Variants in PABIR2 observed in about 807,000 individuals in gnomAD.
PABIR2 encodes PABIR family member 2.
PABIR2 carries 7 observed loss-of-function variants against 22.8 expected under a neutral mutation model. The ratio of observed to expected loss-of-function variants is 0.31; its 90% CI spans 0.17 to 0.58. PABIR2 has a LOEUF of 0.58. Ranked by LOEUF, PABIR2 falls within the 20% of genes least tolerant of loss-of-function variation. The pLI is 0.89. For synonymous variants in PABIR2, 67 were observed against 73.8 expected (o/e 0.91, Z 0.47); for missense variants, 155 against 205.1 (o/e 0.76, Z 1.49).
chrX:134,787,177 G>A (rs2079352157), intron 7 of PABIR2, among the ~76,000 whole-genome samples: 1 of 103,384 alleles, frequency 9.7e-6, no homozygotes, highest in Non-Finnish European at 2.0e-5. Flanking sequence ...TCAGCTCACT[G>A]CAACCTCCGC....
At chrX:134,786,267 A>G (rs2079311081) in intron 7 of PABIR2, among the ~76,000 whole-genome samples, 1 of 112,176 alleles carries the variant, frequency 8.9e-6, no homozygotes, top group South Asian at 3.7e-4. Context: ...CTGTGATCCC[A>G]GCATTTTGAG....
intron 1 of PABIR2, among the ~76,000 whole-genome samples, chrX:134,795,897 A>G (rs1377073409): frequency 3.6e-5 from 4 of 111,475 alleles, no homozygotes; most frequent in African/African-American, 1.3e-4. Flanking sequence ...CCCCAGGTAG[A>G]GGGGGACCGT....
At chrX:134,780,342 G>A (rs1465307974) in intron 9 of PABIR2, among the ~76,000 whole-genome samples, 6 of 112,171 alleles carry the variant, frequency 5.3e-5, no homozygotes, top group Non-Finnish European at 9.4e-5. Flanking sequence ...TTGGGAGGCC[G>A]AGGTGGGCGG....
At chrX:134,778,226 C>T (rs1160614302) in intron 9 of PABIR2, among the ~76,000 whole-genome samples, 4 of 100,472 alleles carry the variant, frequency 4.0e-5, no homozygotes, top group Non-Finnish European at 6.0e-5. Context: ...AAAATCGGGC[C>T]GGGCGTGGTG....
chrX:134,787,469 T>C lies in PABIR2; in HGVS notation c.497+3A>G, dbSNP rs768437192. ...ACCACATTTAAAATTCAAGTTTGCTTACCTTGAAAATCGTCTTGGACTGGG... is the reference window on the plus strand; with the variant it reads ...ACCACATTTAAAATTCAAGTTTGCTCACCTTGAAAATCGTCTTGGACTGGG... On this transcript the variant is annotated splice_donor_region_variant and intron_variant, in intron 7 of 9. Transcript: ENST00000343004. 1 of 1,208,076 alleles carries C rather than the reference T, an allele frequency of 8.3e-7. No individual in the cohort carries two copies. The highest frequency in any genetic ancestry group is 1.1e-6 in the Non-Finnish European group (1 of 892,675).
At chrX:134,782,334 A>G (rs1254546202) in intron 8 of PABIR2, among the ~76,000 whole-genome samples, 2 of 112,317 alleles carry the variant, frequency 1.8e-5, no homozygotes, top group African/African-American at 3.2e-5. Context: ...GATGGTGTCA[A>G]ACTGGTTTAA....
At chrX:134,791,708 T>C (rs1011702667) in intron 2 of PABIR2, 3 of 325,712 alleles carry the variant, frequency 9.2e-6, no homozygotes, top group African/African-American at 8.0e-5. Context: ...ACAAGATAGG[T>C]GTCTGTCTTC....
At position 134,771,737 on chromosome X, in the gene PABIR2, A is replaced by G; in HGVS notation, c.*402T>C. 1.3e-6 allele frequency: 1 copy of G among 799,011 alleles called. No homozygotes were observed. The allele number at this position is 799,011 out of a possible 1,213,427, so 65.8% of individuals were successfully genotyped here. A position where few individuals can be genotyped will look rare whatever the true frequency, so the allele number is the denominator to read the frequency against. On this transcript the variant is annotated 3_prime_UTR_variant, in exon 10 of 10. Transcript: ENST00000343004. ...TGTAGTCAACAGAGGACAAAAAAAA[A>G]TCTCTCAAGCAAGAGAATTTCTGAT...
intron 9 of PABIR2, among the ~76,000 whole-genome samples, chrX:134,775,748 C>T (rs147412577): frequency 0.017 from 1,851 of 110,187 alleles, 45 homozygotes; most frequent in African/African-American, 0.058. Context: ...CAGGTAAATG[C>T]ACTAGAAATT....
At chrX:134,787,590 C>T (rs2079369769) in intron 6 of PABIR2, 57 bp from the exon 7 acceptor site, 9 of 647,433 alleles carry the variant, frequency 1.4e-5, no homozygotes, top group Non-Finnish European at 1.9e-5. Context: ...TAAAATAGTT[C>T]TAGCACTCCA....
Position 134,771,271 on chromosome X carries a change from T to C in PABIR2, c.*868A>G. ...CATGGACGCTTTTGTACACAGTGGT[T>C]TGTGTGTAAATAACTATTCATTCAT... On this transcript the variant is annotated 3_prime_UTR_variant, in exon 10 of 10. Transcript: ENST00000343004. The C allele has an allele frequency of 8.7e-7, 1 of 1,149,536 alleles. No homozygotes were observed. Among genetic ancestry groups the C allele is most frequent in the East Asian group, 3.3e-5 (1 of 30,541 alleles). 94.7% of individuals were successfully genotyped at this position (1,149,536 alleles called of 1,213,427 possible). A position where few individuals can be genotyped will look rare whatever the true frequency, so the allele number is the denominator to read the frequency against.
intron 9 of PABIR2, among the ~76,000 whole-genome samples, chrX:134,781,368 TA>T (rs1373014806): frequency 1.8e-5 from 2 of 112,380 alleles, no homozygotes; most frequent in African/African-American, 6.5e-5. Flanking sequence ...AGCATAATTT[TA>T]TTGAGCTAAA....
chrX:134,788,146 T>G lies in PABIR2; in HGVS notation c.435+584A>C, dbSNP rs181569635. On this transcript the variant is annotated intron_variant, in intron 6 of 9. Transcript: ENST00000343004. Reference sequence around the variant, plus strand: ...ATACACGTTATATATGTGTAATATATACGTTATATATGTGTAATATATACA... The same window carrying G: ...ATACACGTTATATATGTGTAATATAGACGTTATATATGTGTAATATATACA... Among the ~76,000 whole-genome samples, 3 of 90,183 alleles carry G rather than the reference T, an allele frequency of 3.3e-5. No homozygotes were observed. The Admixed American group carries it at 3.7e-4, about 11-fold the overall frequency. The allele number at this position is 90,183 out of a possible 115,157, so 78.3% of individuals were successfully genotyped here.
intron 9 of PABIR2, among the ~76,000 whole-genome samples, chrX:134,775,874 CTATCT>C (rs776451071): frequency 2.1e-4 from 24 of 112,213 alleles, no homozygotes; most frequent in African/African-American, 5.2e-4. Flanking sequence ...CTGGTCTCTA[CTATCT>C]TATCTTAAGG....
intron 9 of PABIR2, among the ~76,000 whole-genome samples, chrX:134,775,379 G>A (rs1452945317): frequency 2.8e-5 from 3 of 108,934 alleles, no homozygotes; most frequent in African/African-American, 6.7e-5. Context: ...TTAGCCAGGC[G>A]TGGTGGCGGG....
intron 8 of PABIR2, among the ~76,000 whole-genome samples, chrX:134,785,085 ATT>A (rs2079273097): frequency 8.9e-6 from 1 of 112,017 alleles, no homozygotes; most frequent in African/African-American, 3.2e-5. Context: ...CAGAGAGGCA[ATT>A]TTTTGAATAT....
chrX:134,794,743 A>T (rs975702039), intron 1 of PABIR2, among the ~76,000 whole-genome samples: 13 of 111,956 alleles, frequency 1.2e-4, no homozygotes, highest in Non-Finnish European at 2.4e-4. Flanking sequence ...TTCCAGAAGG[A>T]TTTTCAGAAC....
chrX:134,788,149 G>A (rs754868482), intron 6 of PABIR2, among the ~76,000 whole-genome samples: 7 of 82,302 alleles, frequency 8.5e-5, no homozygotes, highest in Admixed American at 2.9e-4. Flanking sequence ...TAATATATAC[G>A]TTATATATGT....
chrX:134,786,805 G>C (rs1478064005), intron 7 of PABIR2, among the ~76,000 whole-genome samples: 1 of 110,093 alleles, frequency 9.1e-6, no homozygotes, highest in Non-Finnish European at 1.9e-5. Context: ...ACAAAAATTA[G>C]CCGAGGGTGG....
Sources: gnomAD v4.1 joint callset for allele counts (sites outside exome capture counted in the v4.1 genomes callset) on GRCh38, gnomAD v4.1.1 for gene constraint, MANE v1.5 for transcripts, NCBI Gene and HGNC (gene_info 2026-07-23, HGNC 2026-07-21) for gene names.